Variants in MGA observed in about 807,000 individuals in gnomAD.
MGA encodes the protein MAX dimerization protein MGA, also known as MAX gene-associated protein.
A neutral mutation model predicts 261.1 loss-of-function variants in MGA; 40 were observed. The observed-to-expected ratio is 0.15, with a 90% confidence interval of 0.12 to 0.20. The LOEUF (loss-of-function observed/expected upper bound fraction) is 0.20. Among genes scored for constraint, MGA ranks in the 10% least tolerant of loss-of-function variants. MGA has a pLI of 1.00. For missense variants in MGA, 3,397 were observed against 3,630.5 expected (o/e 0.94, Z 1.65); for synonymous variants, 1,302 against 1,290.6 (o/e 1.01, Z -0.19).
At chr15:41,719,908 A>G (rs2060848549) in intron 9 of MGA, among the ~76,000 whole-genome samples, 1 of 152,174 alleles carries the variant, frequency 6.6e-6, no homozygotes, top group South Asian at 2.1e-4. Flanking sequence ...TATGATATTA[A>G]TGAATTAATG....
intron 9 of MGA, among the ~76,000 whole-genome samples, chr15:41,726,127 G>C (rs2061235768): frequency 6.6e-6 from 1 of 152,128 alleles, no homozygotes; most frequent in African/African-American, 2.4e-5. Flanking sequence ...CCTGTACTGA[G>C]TTCAGGCTGT....
At chr15:41,732,819 C>A (rs1011498729) in intron 11 of MGA, among the ~76,000 whole-genome samples, 4 of 152,206 alleles carry the variant, frequency 2.6e-5, no homozygotes, top group African/African-American at 9.7e-5. Context: ...ACAGCTCTTG[C>A]CTCCTTGGCA....
chr15:41,718,342 G>A, intron 9 of MGA: 1 of 370,314 alleles, frequency 2.7e-6, no homozygotes, highest in Non-Finnish European at 4.8e-6. Context: ...TACATGTATA[G>A]TATTATTTAG....
Position 41,766,684 on chromosome 15 carries a change from C to T in MGA, c.8602C>T (p.Pro2868Ser), listed in dbSNP as rs2152047188. Residue 2868 changes from proline to serine, a missense_variant, in exon 24 of 24, where the codon CCT becomes TCT. This residue lies in a region of MGA where 647 missense variants were observed against 642.4 expected (regional missense o/e 1.01). Coordinates refer to ENST00000219905, the MANE Select transcript of MGA (RefSeq NM_001164273.2). ...TCGGCGGGCTTTTATTAGTAAGGTT[C>T]CTCCTGGAAGCAGAGCAACTTTCCA... 6.2e-7 allele frequency: 1 copy of T among 1,613,952 alleles called. No individual in the cohort carries two copies. Among genetic ancestry groups the T allele is most frequent in the Non-Finnish European group, 8.5e-7 (1 of 1,179,892 alleles).
At chr15:41,684,287 T>G (rs947799244) in intron 2 of MGA, 2 of 378,986 alleles carry the variant, frequency 5.3e-6, no homozygotes, top group South Asian at 2.0e-5. Context: ...GTGGCTGGTG[T>G]TCGTCACACA....
At chr15:41,638,297 C>T (rs1475806603) in intron 1 of MGA, among the ~76,000 whole-genome samples, 1 of 151,934 alleles carries the variant, frequency 6.6e-6, no homozygotes, top group African/African-American at 2.4e-5. Flanking sequence ...CCTGTCTCGG[C>T]CTCCCAAAGT....
chr15:41,635,523 C>G (rs1008555200), intron 1 of MGA, among the ~76,000 whole-genome samples: 13 of 151,710 alleles, frequency 8.6e-5, no homozygotes, highest in African/African-American at 2.9e-4. Flanking sequence ...AGACCCCCCC[C>G]CTCCTATAAA....
At chr15:41,672,866 G>GCGCACACACA (rs1555408297) in intron 2 of MGA, among the ~76,000 whole-genome samples, 16 of 150,306 alleles carry the variant, frequency 1.1e-4, no homozygotes, top group Non-Finnish European at 2.1e-4. Context: ...ACATGCGTGT[G>GCGCACACACA]CACACACACA....
chr15:41,752,593 C>T (rs1000866189), intron 17 of MGA, among the ~76,000 whole-genome samples: 1 of 125,500 alleles, frequency 8.0e-6, no homozygotes, highest in Non-Finnish European at 1.6e-5. Context: ...CTCGCTTTGT[C>T]GCCCAGGCTG....
At chr15:41,758,901 T>C (rs570228371) in intron 19 of MGA, among the ~76,000 whole-genome samples, 1 of 152,340 alleles carries the variant, frequency 6.6e-6, no homozygotes, top group South Asian at 2.1e-4. Context: ...TATTATTCAC[T>C]TTGTATGAGT....
intron 5 of MGA, among the ~76,000 whole-genome samples, chr15:41,706,321 GCTGT>G (rs996875934): frequency 6.7e-6 from 1 of 149,916 alleles, no homozygotes; most frequent in African/African-American, 2.5e-5. Flanking sequence ...AAACAAAATA[GCTGT>G]CTTTTTTTTT....
At position 41,637,056 on chromosome 15, in the gene MGA, G is replaced by A. The variant is rs189304300; in HGVS notation, c.-68+15758G>A. On this transcript the variant is annotated intron_variant, in intron 1 of 8. Coordinates refer to the MGA transcript ENST00000566718. Reference sequence around the variant, plus strand: ...TCTGGGGGCGGGGGTGGTAAAGGTCGTAGTAAAGAGAGAAATGTGAGAAAA... The same window carrying A: ...TCTGGGGGCGGGGGTGGTAAAGGTCATAGTAAAGAGAGAAATGTGAGAAAA... Among the ~76,000 whole-genome samples, 521 of 152,292 alleles carry A rather than the reference G, an allele frequency of 3.4e-3. 5 individuals carry two copies. Among genetic ancestry groups the A allele is most frequent in the Non-Finnish European group, 3.5e-3 (241 of 68,030 alleles).
chr15:41,701,704 T>C (rs923342763), intron 5 of MGA, among the ~76,000 whole-genome samples: 4 of 152,196 alleles, frequency 2.6e-5, no homozygotes, highest in Non-Finnish European at 5.9e-5. Flanking sequence ...GGCTATGTGA[T>C]GTCTCTGAAG....
Position 41,766,770 on chromosome 15 carries a change from T to C in MGA, c.8688T>C (p.Ser2896=). ...CTGATGTTCAAGGGGAGAGTGACTC[T>C]ATCAGTCCCCTCCTCTTGCACTTGG... The change falls in exon 24 of 24, where the codon TCT becomes TCC. Residue 2896 remains serine (S), a synonymous_variant. Transcript: ENST00000219905. 1 of 1,614,022 alleles carries C rather than the reference T, an allele frequency of 6.2e-7. No individual in the cohort carries two copies. Among genetic ancestry groups the C allele is most frequent in the Non-Finnish European group, 8.5e-7 (1 of 1,179,888 alleles).
intron 2 of MGA, among the ~76,000 whole-genome samples, chr15:41,685,112 G>T (rs1479240220): frequency 1.3e-5 from 2 of 152,174 alleles, no homozygotes; most frequent in African/African-American, 4.8e-5. Context: ...ATTTAATTCT[G>T]TGATCTGTCT....
Position 41,736,504 on chromosome 15 carries a change from T to C in MGA, c.4240T>C (p.Ser1414Pro), listed in dbSNP as rs1270508977. ...AGATGATATGGCTGAGAAATCTGGA[T>C]CAGAGACTCCTGATGGTCCATTGTC... Residue 1414 changes from serine to proline, a missense_variant, in exon 13 of 24, where the codon TCA (serine) becomes CCA (proline). Physicochemically the swap from Ser to Pro is moderately conservative, Grantham distance 74. Coordinates refer to ENST00000219905, the MANE Select transcript of MGA (RefSeq NM_001164273.2). The C allele has an allele frequency of 2.5e-6, 4 of 1,613,954 alleles. 1 individual carries two copies. In the South Asian group the frequency reaches 4.4e-5, roughly 18 times the overall value.
At position 41,633,631 on chromosome 15, in the gene MGA, C is replaced by T. The variant is rs528323721; in HGVS notation, c.-68+12333C>T. Among the ~76,000 whole-genome samples the T allele has an allele frequency of 2.0e-3, 305 of 152,220 alleles. 1 individual carries two copies. Among genetic ancestry groups the T allele is most frequent in the Admixed American group, 3.7e-3 (56 of 15,288 alleles). ...AGAGACGGGTTTTTGCCATGTTGCC[C>T]AGGCTGGTCTGGAACTCCTGAAATC... On this transcript the variant is annotated intron_variant, in intron 1 of 8. Coordinates refer to the MGA transcript ENST00000566718.
intron 6 of MGA, 30 bp downstream of exon 6, chr15:41,707,889 A>G (rs753519946): frequency 1.3e-6 from 2 of 1,589,250 alleles, no homozygotes; most frequent in South Asian, 1.2e-5. Context: ...AAAGTCAAAC[A>G]CTATTTTTCT....
rs1344516536 is a variant in MGA, at chr15:41,696,639, T to C, written c.1629T>C (p.Tyr543=). ...CAGATCTCAGAGTGGTACAAAAATA[T>C]CCCTTACTGAAAGAGCCTCAGTGGA... Residue 543 remains tyrosine (Y), a synonymous_variant, in exon 3 of 24, where the codon TAT becomes TAC. Coordinates refer to ENST00000219905, the MANE Select transcript of MGA (RefSeq NM_001164273.2). The C allele has an allele frequency of 1.2e-6, 2 of 1,613,442 alleles. No individual in the cohort carries two copies. Among genetic ancestry groups the C allele is most frequent in the Non-Finnish European group, 8.5e-7 (1 of 1,179,656 alleles).
Sources: gnomAD v4.1 joint callset for allele counts (sites outside exome capture counted in the v4.1 genomes callset) on GRCh38, gnomAD v4.1.1 for gene constraint, gnomAD v4.1.1 regional missense constraint, MANE v1.5 for transcripts, NCBI Gene and HGNC (gene_info 2026-07-23, HGNC 2026-07-21) for gene names.